TBX20: variants seen among roughly 807,000 people sequenced by gnomAD.
The protein encoded by TBX20 is T-box transcription factor TBX20.
A neutral mutation model predicts 42.9 loss-of-function variants in TBX20; 8 were observed. That is an observed-to-expected ratio of 0.19 (90% confidence interval 0.11 to 0.34). TBX20 has a LOEUF of 0.34. Among genes scored for constraint, TBX20 ranks in the 10% least tolerant of loss-of-function variants. The probability of loss-of-function intolerance (pLI) is 1.00; values close to 1 mark genes in which losing one functional copy is unlikely to be tolerated. For missense variants in TBX20, 411 were observed against 566.0 expected (o/e 0.73, Z 2.78); for synonymous variants, 198 against 222.8 (o/e 0.89, Z 0.99).
chr7:35,230,890 T>C (rs1027272586), intron 6 of TBX20, among the ~76,000 whole-genome samples: 1 of 152,202 alleles, frequency 6.6e-6, no homozygotes, highest in African/African-American at 2.4e-5. Flanking sequence ...TGTATCTCCA[T>C]ATAGTCATTA....
chr7:35,214,371 C>G (rs2128711080), intron 6 of TBX20, among the ~76,000 whole-genome samples: 1 of 152,254 alleles, frequency 6.6e-6, no homozygotes, highest in East Asian at 1.9e-4. Flanking sequence ...AGTCCATTAT[C>G]ACTTGTTTAA....
intron 6 of TBX20, among the ~76,000 whole-genome samples, chr7:35,217,805 C>G (rs1428142949): frequency 6.6e-6 from 1 of 152,168 alleles, no homozygotes; most frequent in Admixed American, 6.5e-5. Flanking sequence ...ACTGCAACCA[C>G]CACCTCCCTG....
At chr7:35,233,268 A>G (rs1789902334) in intron 5 of TBX20, among the ~76,000 whole-genome samples, 1 of 152,244 alleles carries the variant, frequency 6.6e-6, no homozygotes, top group Non-Finnish European at 1.5e-5. Context: ...AGACTCCTCT[A>G]TCAATAACAC....
At position 35,248,673 on chromosome 7, in the gene TBX20, G is replaced by A. The variant is rs772793678; in HGVS notation, c.545+4C>T. On this transcript the variant is annotated splice_donor_region_variant and intron_variant, in intron 3 of 7. Coordinates refer to ENST00000408931, the MANE Select transcript of TBX20 (RefSeq NM_001077653.2). ...TTCTCAGTGAAAAATCTGGAGGCACGAACCTGGCTGGCAACGGCGGGTCGG... is the reference window on the plus strand; with the variant it reads ...TTCTCAGTGAAAAATCTGGAGGCACAAACCTGGCTGGCAACGGCGGGTCGG... The A allele has an allele frequency of 6.8e-6, 11 of 1,613,958 alleles. No individual in the cohort carries two copies. Among genetic ancestry groups the A allele is most frequent in the East Asian group, 4.5e-5 (2 of 44,880 alleles).
chr7:35,242,310 G>T (rs1279054014), intron 4 of TBX20, among the ~76,000 whole-genome samples: 2 of 152,130 alleles, frequency 1.3e-5, no homozygotes, highest in Non-Finnish European at 2.9e-5. Context: ...GCCTTTTTAT[G>T]ATCTCAAACT....
At chr7:35,225,041 AATC>A (rs1344993964) in intron 6 of TBX20, among the ~76,000 whole-genome samples, 1 of 152,124 alleles carries the variant, frequency 6.6e-6, no homozygotes, top group African/African-American at 2.4e-5. Context: ...GAAGAGATAA[AATC>A]ATCATTTTTG....
At position 35,254,090 on chromosome 7, in the gene TBX20, G is replaced by C. The variant is rs915077376; in HGVS notation, c.-470C>G. The C allele has an allele frequency of 2.0e-5, 3 of 153,438 alleles. No homozygotes were observed. The highest frequency in any genetic ancestry group is 2.9e-5 in the Non-Finnish European group (2 of 68,926). 9.5% of individuals were successfully genotyped at this position (153,438 alleles called of 1,614,324 possible). On this transcript the variant is annotated 5_prime_UTR_variant, in exon 1 of 8. Coordinates refer to ENST00000408931, the MANE Select transcript of TBX20 (RefSeq NM_001077653.2). Reference sequence around the variant, plus strand: ...CGTGGGGAGCGCGGCGCGGAACTACGGACAGTGAGCCCTGGCGCTCGCTGC... The same window carrying C: ...CGTGGGGAGCGCGGCGCGGAACTACCGACAGTGAGCCCTGGCGCTCGCTGC...
At chr7:35,220,642 A>G (rs572714950) in intron 6 of TBX20, among the ~76,000 whole-genome samples, 2 of 152,330 alleles carry the variant, frequency 1.3e-5, no homozygotes, top group African/African-American at 4.8e-5. Flanking sequence ...TCAGGCTTTT[A>G]CTCAGGATCA....
chr7:35,246,190 G>C (rs192617026), intron 3 of TBX20, among the ~76,000 whole-genome samples: 1 of 152,204 alleles, frequency 6.6e-6, no homozygotes, highest in East Asian at 1.9e-4. Flanking sequence ...AGCCCACCAG[G>C]AGCAATGCAC....
intron 7 of TBX20, among the ~76,000 whole-genome samples, chr7:35,203,075 T>TA (rs1390683066): frequency 6.6e-6 from 1 of 152,112 alleles, no homozygotes; most frequent in Non-Finnish European, 1.5e-5. Context: ...CTGATTCTCT[T>TA]AAAAAAAGCT....
intron 6 of TBX20, among the ~76,000 whole-genome samples, chr7:35,205,699 C>A (rs910688562): frequency 1.3e-5 from 2 of 152,106 alleles, no homozygotes; most frequent in Non-Finnish European, 2.9e-5. Context: ...AGCTTATATA[C>A]CCACATAGAT....
chr7:35,222,189 C>G (rs536241925), intron 6 of TBX20, among the ~76,000 whole-genome samples: 1 of 151,966 alleles, frequency 6.6e-6, no homozygotes, highest in Non-Finnish European at 1.5e-5. Context: ...ATTAGTATCT[C>G]GAAGCTTTCA....
chr7:35,220,844 T>C (rs899605927), intron 6 of TBX20, among the ~76,000 whole-genome samples: 3 of 152,242 alleles, frequency 2.0e-5, no homozygotes, highest in African/African-American at 7.2e-5. Flanking sequence ...TTTGTGCTTT[T>C]AAAATTTTAG....
chr7:35,236,223 A>C (rs540253783), intron 5 of TBX20, among the ~76,000 whole-genome samples: 29 of 151,974 alleles, frequency 1.9e-4, no homozygotes, highest in African/African-American at 4.3e-4. Context: ...GGATTTCAAT[A>C]CACATAAAAA....
intron 3 of TBX20, among the ~76,000 whole-genome samples, chr7:35,246,216 C>T (rs1790182719): frequency 6.6e-6 from 1 of 152,184 alleles, no homozygotes; most frequent in Non-Finnish European, 1.5e-5. Context: ...AGGTTGACAG[C>T]ACCAAAGACT....
At chr7:35,204,193 A>C (rs1049304870) in intron 7 of TBX20, among the ~76,000 whole-genome samples, 2 of 152,136 alleles carry the variant, frequency 1.3e-5, no homozygotes, top group African/African-American at 4.8e-5. Context: ...ATGGACAAGT[A>C]ACTCCTGATC....
At chr7:35,252,498 G>T (rs1324117982) in intron 1 of TBX20, among the ~76,000 whole-genome samples, 2 of 150,626 alleles carry the variant, frequency 1.3e-5, no homozygotes, top group East Asian at 1.9e-4. Context: ...CCTTATTTTT[G>T]ATCTCTAACA....
chr7:35,209,255 A>C (rs186044019), intron 6 of TBX20, among the ~76,000 whole-genome samples: 3,631 of 152,230 alleles, frequency 0.024, 59 homozygotes, highest in Non-Finnish European at 0.037. Context: ...TTCAGGTAGA[A>C]TTGTCATTAT....
At chr7:35,217,113 A>G (rs1460002076) in intron 6 of TBX20, among the ~76,000 whole-genome samples, 1 of 152,218 alleles carries the variant, frequency 6.6e-6, no homozygotes, top group African/African-American at 2.4e-5. Context: ...GAAAAACAAA[A>G]TGACTCTAAC....
Sources: allele counts gnomAD v4.1 joint callset (sites outside exome capture counted in the v4.1 genomes callset), GRCh38; gene constraint gnomAD v4.1.1; transcripts MANE v1.5; gene names NCBI Gene and HGNC (gene_info 2026-07-23, HGNC 2026-07-21).